Variants in COL11A2 observed in about 807,000 individuals in gnomAD.
COL11A2 encodes the protein collagen alpha-2(XI) chain.
In COL11A2, 116 loss-of-function variants were observed where a neutral mutation model predicts 273.4. The ratio of observed to expected loss-of-function variants is 0.42; its 90% confidence interval spans 0.36 to 0.49. The LOEUF (loss-of-function observed/expected upper bound fraction) is 0.49, where lower values mean the gene tolerates loss of function less well. Among genes scored for constraint, COL11A2 ranks in the 20% least tolerant of loss-of-function variants. COL11A2 has a pLI of 0.00. For synonymous variants in COL11A2, 782 were observed against 864.2 expected (o/e 0.90, Z 1.67); for missense variants, 1,866 against 2,309.0 (o/e 0.81, Z 3.93).
Position 33,166,699 on chromosome 6 carries a change from G to A in COL11A2, c.4338+21C>T, listed in dbSNP as rs375023453. 201 of 1,613,434 alleles carry A rather than the reference G, an allele frequency of 1.2e-4. No individual in the cohort carries two copies. The highest frequency in any genetic ancestry group is 7.2e-4 in the African/African-American group (54 of 74,832). On this transcript the variant is annotated intron_variant, in intron 59 of 65. Transcript: ENST00000341947. The surrounding 1 kb of genome is among the most constrained non-coding windows in gnomAD (Gnocchi z 4.8). ...CCCACTCTCAACCCCCACAACTTCC[G>A]GGACCATGCCCTCTACTCACCATCT... is the stretch of plus-strand genomic sequence containing the variant.
chr6:33,186,333 C>T, intron 5 of COL11A2: 1 of 1,306,410 alleles, frequency 7.7e-7, no homozygotes, highest in Non-Finnish European at 1.0e-6. Context: ...CACCCCTCTC[C>T]CACTGTCTCC....
Position 33,189,184 on chromosome 6 carries a change from T to A in COL11A2, c.237A>T (p.Gly79=), listed in dbSNP as rs1772793096. The A allele has an allele frequency of 6.2e-7, 1 of 1,613,446 alleles. No homozygotes were observed. The highest frequency in any genetic ancestry group is 1.7e-5 in the Admixed American group (1 of 59,970). ...SAPTRQLFPG[G]FPKDFSLLTV... ...TCAGCAGAGAGAAATCTTTGGGAAATCCTCCTAGTAACCGAGAGAGATACA... is the reference window on the plus strand; with the variant it reads ...TCAGCAGAGAGAAATCTTTGGGAAAACCTCCTAGTAACCGAGAGAGATACA... The change falls in exon 3 of 66, where the codon GGA becomes GGT. Residue 79 remains glycine, a synonymous_variant. Coordinates refer to ENST00000341947, the MANE Select transcript of COL11A2 (RefSeq NM_080680.3). This position sits in a 1 kb window ranked among gnomAD's most constrained non-coding sequence, Gnocchi z 5.6.
chr6:33,171,164 G>C lies in COL11A2; in HGVS notation c.3316C>G (p.Pro1106Ala). 1 of 1,606,964 alleles carries C rather than the reference G, an allele frequency of 6.2e-7. No individual in the cohort carries two copies. Among genetic ancestry groups the C allele is most frequent in the East Asian group, 2.2e-5 (1 of 44,730 alleles). ...CCAATGGGTCCAGGGGGTCCAGGAG[G>C]GCCCTGGGTAAGAGAAGAGAGTCAG... ...GTKGNKGEHGPPGPPGPIGPV... is the reference protein window; with the variant it reads ...GTKGNKGEHGAPGPPGPIGPV... Residue 1106 changes from proline (P) to alanine (A), a missense_variant, in exon 45 of 66, where the codon CCT (proline) becomes GCT (alanine). Transcript: ENST00000341947.
upstream of COL11A2, among the ~76,000 whole-genome samples, chr6:33,193,337 GGCACGAGCGAACAAGGC>G (rs1773440203): frequency 6.6e-6 from 1 of 151,860 alleles, no homozygotes; most frequent in African/African-American, 2.4e-5. Flanking sequence ...GCGCGGAGAG[GGCACGAGCGAACAAGGC>G]GCCTTTGAGA....
rs759767381 is a variant in COL11A2 at position 33,179,269 on chromosome 6, G to C, written c.1519C>G (p.Pro507Ala). Residue 507 changes from proline (P) to alanine (A), a missense_variant, in exon 15 of 66, where the codon CCT (proline) becomes GCT (alanine). Transcript: ENST00000341947. This position sits in a 1 kb window ranked among gnomAD's most constrained non-coding sequence, Gnocchi z 6.4. ...TCTCCAGACTCTCCTTTCAGGCCAG[G>C]GCTCCCAGGTTGGCCCTGGGAGAGA... ...RPGPLGQPGSPGLKGESGDLG... is the reference protein window; with the variant it reads ...RPGPLGQPGSAGLKGESGDLG... 9.9e-6 allele frequency: 16 copies of C among 1,611,226 alleles called. No individual in the cohort carries two copies. In the East Asian group the frequency reaches 3.6e-4, roughly 36 times the overall value.
Position 33,169,626 on chromosome 6 carries a change from C to T in COL11A2, c.3691-136G>A, listed in dbSNP as rs2855442. ...GGACATACACAGAAAGTCAAGCCTACAAGGGGAGTTCCCTAGTCCCCTTCC... is the reference window on the plus strand; with the variant it reads ...GGACATACACAGAAAGTCAAGCCTATAAGGGGAGTTCCCTAGTCCCCTTCC... On this transcript the variant is annotated intron_variant, in intron 50 of 65. Coordinates refer to ENST00000341947, the MANE Select transcript of COL11A2 (RefSeq NM_080680.3). This position sits in a 1 kb window ranked among gnomAD's most constrained non-coding sequence, Gnocchi z 5.5. 0.75 allele frequency: 806,191 copies of T among 1,073,108 alleles called. 306,449 individuals are homozygous for T. The highest frequency in any genetic ancestry group is 0.98 in the East Asian group (38,711 of 39,490). 66.5% of individuals were successfully genotyped at this position (1,073,108 alleles called of 1,614,324 possible).
At chr6:33,180,823 C>G in intron 10 of COL11A2, 93 bp from the exon 11 acceptor site, 1 of 1,554,842 alleles carries the variant, frequency 6.4e-7, no homozygotes, top group Non-Finnish European at 8.9e-7. Context: ...CAGAACAGAT[C>G]TGGGAATCTG....
At chr6:33,193,379 C>G (rs913727430), upstream of COL11A2, among the ~76,000 whole-genome samples, 5 of 147,472 alleles carry the variant, frequency 3.4e-5, no homozygotes, top group East Asian at 4.1e-4. Flanking sequence ...ACCGCCCCCC[C>G]TTCCTCCTCC....
In COL11A2 at chr6:33,164,827, G is replaced by A. The variant is rs1343480892; in HGVS notation, c.4863+25C>T. On this transcript the variant is annotated intron_variant, in intron 64 of 65. Coordinates refer to ENST00000341947, the MANE Select transcript of COL11A2 (RefSeq NM_080680.3). The surrounding 1 kb of genome is among the most constrained non-coding windows in gnomAD (Gnocchi z 4.7). ...AGGGGGTGCACTATGGGGCAGGGGAGGGGCAGCGAGGGGCCAGCTCTCACC... is the reference window on the plus strand; with the variant it reads ...AGGGGGTGCACTATGGGGCAGGGGAAGGGCAGCGAGGGGCCAGCTCTCACC... 1.3e-6 allele frequency: 2 copies of A among 1,541,014 alleles called. No individual in the cohort carries two copies. The highest frequency in any genetic ancestry group is 2.7e-5 in the African/African-American group (2 of 72,788).
intron 52 of COL11A2, 57 bp downstream of exon 52, chr6:33,168,898 A>C (rs1175332767): frequency 1.7e-5 from 26 of 1,519,952 alleles, no homozygotes; most frequent in Admixed American, 3.4e-5. Flanking sequence ...CACACAGAGG[A>C]CCCCCCCATA....
rs372130544 is a variant in COL11A2 at position 33,179,701 on chromosome 6, G to A, written c.1446+18C>T. The A allele has an allele frequency of 3.1e-6, 5 of 1,610,594 alleles. No individual in the cohort carries two copies. The African/African-American group carries it at 6.7e-5, about 22-fold the overall frequency. On this transcript the variant is annotated intron_variant, in intron 13 of 65. Transcript: ENST00000341947. This position sits in a 1 kb window ranked among gnomAD's most constrained non-coding sequence, Gnocchi z 6.4. ...GCCCCCCAGAGCCTTCCCTTTCCAG[G>A]GAAGCAGCCCCACTCACCCTCGCCT... is the stretch of plus-strand genomic sequence containing the variant.
rs1306848169 is a variant in COL11A2, at chr6:33,164,752, G to T, written c.4863+100C>A. ...GAGAAGGGGTGGCAGGCTCCGGGGG[G>T]GGCAACAGCCAGGGGACTGTCACCA... On this transcript the variant is annotated intron_variant, in intron 64 of 65. Coordinates refer to ENST00000341947, the MANE Select transcript of COL11A2 (RefSeq NM_080680.3). This position sits in a 1 kb window ranked among gnomAD's most constrained non-coding sequence, Gnocchi z 4.7. The T allele has an allele frequency of 2.3e-5, 24 of 1,035,028 alleles. No individual in the cohort carries two copies. Among genetic ancestry groups the T allele is most frequent in the Non-Finnish European group, 3.2e-5 (22 of 687,490 alleles). The allele number at this position is 1,035,028 out of a possible 1,614,324, so 64.1% of individuals were successfully genotyped here. A position where few individuals can be genotyped will look rare whatever the true frequency, so the allele number is the denominator to read the frequency against.
chr6:33,188,868 T>C, intron 3 of COL11A2, 110 bp downstream of exon 3: 1 of 1,237,766 alleles, frequency 8.1e-7, no homozygotes, highest in African/African-American at 1.5e-5. Flanking sequence ...TGGGTAGGTG[T>C]GGTGTGGCCC....
chr6:33,162,972 C>A lies in COL11A2; in HGVS notation c.*706G>T, dbSNP rs548143581. 8.9e-5 allele frequency: 14 copies of A among 156,844 alleles called. No homozygotes were observed. In the South Asian group the frequency reaches 2.4e-3, roughly 27 times the overall value. The allele number at this position is 156,844 out of a possible 1,614,324, so 9.7% of individuals were successfully genotyped here. ...CTATTCCGTTTCTTCCCTGGGGGAGCATCCTGGCCCTCAAGTAGCAGGCAG... is the reference window on the plus strand; with the variant it reads ...CTATTCCGTTTCTTCCCTGGGGGAGAATCCTGGCCCTCAAGTAGCAGGCAG... On this transcript the variant is annotated 3_prime_UTR_variant, in exon 66 of 66. Transcript: ENST00000341947. This position sits in a 1 kb window ranked among gnomAD's most constrained non-coding sequence, Gnocchi z 4.9.
rs1770938276 is a variant in COL11A2, at chr6:33,176,570, C to T, written c.2116-84G>A. On this transcript the variant is annotated intron_variant, in intron 26 of 65. Transcript: ENST00000341947. The surrounding 1 kb of genome is among the most constrained non-coding windows in gnomAD (Gnocchi z 4.9). Reference sequence around the variant, plus strand: ...CCAGGGGTGGAAGAAATGGAAGTAACAACATTGCTGTCTGGGTAGGGTTAC... The same window carrying T: ...CCAGGGGTGGAAGAAATGGAAGTAATAACATTGCTGTCTGGGTAGGGTTAC... 4 of 1,437,530 alleles carry T rather than the reference C, an allele frequency of 2.8e-6. No individual in the cohort carries two copies. In the South Asian group the frequency reaches 4.7e-5, roughly 17 times the overall value. 89.0% of individuals were successfully genotyped at this position (1,437,530 alleles called of 1,614,324 possible).
At position 33,165,798 on chromosome 6, in the gene COL11A2, T is replaced by C. The variant is rs770594261; in HGVS notation, c.4501A>G (p.Ile1501Val). Residue 1501 changes from isoleucine to valine, a missense_variant, in exon 63 of 66, where the codon ATC (isoleucine) becomes GTC (valine). By Grantham distance (29) the Ile-to-Val change is conservative (BLOSUM62 3). Transcript: ENST00000341947. This position sits in a 1 kb window ranked among gnomAD's most constrained non-coding sequence, Gnocchi z 7.7. Reference protein sequence around the residue: ...PGHPGPPGEVIQPLPIQMPKK... With the variant: ...PGHPGPPGEVVQPLPIQMPKK... The stretch of plus-strand genomic sequence containing the variant: ...GGCATCTGAATGGGCAGTGGCTGGA[T>C]CACCTCGCCTGGGGGACCCTGGGTG... The C allele has an allele frequency of 6.8e-6, 11 of 1,612,924 alleles. No individual in the cohort carries two copies. The highest frequency in any genetic ancestry group is 9.3e-6 in the Non-Finnish European group (11 of 1,179,926).
Position 33,170,115 on chromosome 6 carries a change from G to C in COL11A2, c.3583-15C>G. ...CCTTGTGGGCCCTGGAAGAGGAACA[G>C]AAATAGGTGTCATTGCTTAGGATGG... On this transcript the variant is annotated splice_polypyrimidine_tract_variant and intron_variant, in intron 48 of 65. Coordinates refer to ENST00000341947, the MANE Select transcript of COL11A2 (RefSeq NM_080680.3). This position sits in a 1 kb window ranked among gnomAD's most constrained non-coding sequence, Gnocchi z 4.3. The C allele has an allele frequency of 1.2e-6, 2 of 1,613,046 alleles. No homozygotes were observed. The highest frequency in any genetic ancestry group is 1.7e-6 in the Non-Finnish European group (2 of 1,180,010).
At chr6:33,175,994 C>G in intron 29 of COL11A2, 22 bp downstream of exon 29, 2 of 1,612,810 alleles carry the variant, frequency 1.2e-6, no homozygotes, top group South Asian at 1.1e-5. Flanking sequence ...GGAATTGGGG[C>G]CAGTGTGGGG....
At chr6:33,186,295 C>A in intron 5 of COL11A2, 1 of 912,438 alleles carries the variant, frequency 1.1e-6, no homozygotes, top group Non-Finnish European at 1.5e-6. Flanking sequence ...TGGCTTCAGT[C>A]CCCTCTCCTA....
Sources: gnomAD v4.1 joint callset for allele counts (sites outside exome capture counted in the v4.1 genomes callset) on GRCh38, gnomAD v4.1.1 for gene constraint, Gnocchi (gnomAD v3.1) non-coding constraint, MANE v1.5 for transcripts, NCBI Gene and HGNC (gene_info 2026-07-23, HGNC 2026-07-21) for gene names.